The following FEZF1 variants were observed in gnomAD, a reference collection of about 807,000 sequenced individuals.
The protein encoded by FEZF1 is FEZ family zinc finger 1, also known as fez family zinc finger protein 1.
A neutral mutation model predicts 32.4 loss-of-function variants in FEZF1; 8 were observed. The ratio of observed to expected loss-of-function variants is 0.25; its 90% CI spans 0.15 to 0.45. The LOEUF is 0.45. FEZF1 is among the 20% of genes least tolerant of loss of function. The probability of loss-of-function intolerance (pLI) is 1.00; values close to 1 mark genes in which losing one functional copy is unlikely to be tolerated. For synonymous variants in FEZF1, 259 were observed against 265.2 expected (o/e 0.98, Z 0.23); for missense variants, 546 against 622.3 (o/e 0.88, Z 1.31).
At position 122,302,189 on chromosome 7, in the gene FEZF1, G is replaced by A. The variant is rs1389521478; in HGVS notation, c.1236C>T (p.Asn412=). ...CPTCGKGFCR[N]FDLKKHVRKL... The stretch of plus-strand genomic sequence containing the variant: ...TGCGGACATGCTTCTTGAGGTCAAA[G>A]TTCCTGCAGAAACCCTTGCCGCACG... The change falls in exon 4 of 4, where the codon AAC becomes AAT. Residue 412 remains asparagine, a synonymous_variant. Coordinates refer to ENST00000442488, the MANE Select transcript of FEZF1 (RefSeq NM_001024613.4). This position sits in a 1 kb window ranked among gnomAD's most constrained non-coding sequence, Gnocchi z 4.4. The A allele has an allele frequency of 6.2e-7, 1 of 1,614,126 alleles. No individual in the cohort carries two copies. The highest frequency in any genetic ancestry group is 8.5e-7 in the Non-Finnish European group (1 of 1,180,052).
rs746102840 is a variant in FEZF1, at chr7:122,304,266, T to C, written c.172A>G (p.Lys58Glu). Residue 58 changes from lysine to glutamate, a missense_variant, in exon 1 of 4, where the codon AAG becomes GAG. Lys to Glu is a moderately conservative substitution (Grantham distance 56). Transcript: ENST00000442488. ...TGCAGAGAGTGCTTGGGTTCCCCCTTGGGTAAGGCTCCCTGCAGGAAGTGG... is the reference window on the plus strand; with the variant it reads ...TGCAGAGAGTGCTTGGGTTCCCCCTCGGGTAAGGCTCCCTGCAGGAAGTGG... Reference protein sequence around the residue: ...VPHFLQGALPKGEPKHSLHLN... With the variant: ...VPHFLQGALPEGEPKHSLHLN... 22 of 1,608,814 alleles carry C rather than the reference T, an allele frequency of 1.4e-5. No individual in the cohort carries two copies. The highest frequency in any genetic ancestry group is 1.9e-5 in the Non-Finnish European group (22 of 1,177,100).
At chr7:122,309,580 A>G (rs1003730796), upstream of FEZF1, 6 of 133,130 alleles carry the variant, frequency 4.5e-5, no homozygotes, top group Admixed American at 2.1e-4. Context: ...ACCCATTCCC[A>G]CAGGCCTGTG....
In FEZF1 at chr7:122,301,921, C is replaced by A; in HGVS notation, c.*76G>T. 1 of 1,520,638 alleles carries A rather than the reference C, an allele frequency of 6.6e-7. No individual in the cohort carries two copies. Among genetic ancestry groups the A allele is most frequent in the Non-Finnish European group, 8.7e-7 (1 of 1,146,626 alleles). The allele number at this position is 1,520,638 out of a possible 1,614,324, so 94.2% of individuals were successfully genotyped here. ...ACATGCCCTGGGGTCTGCAGACGAA[C>A]TCGGACCAGGAGCTCTAGTCTGCCG... On this transcript the variant is annotated 3_prime_UTR_variant, in exon 4 of 4. Coordinates refer to ENST00000442488, the MANE Select transcript of FEZF1 (RefSeq NM_001024613.4).
upstream of FEZF1, chr7:122,307,584 T>A (rs926023328): frequency 6.6e-6 from 1 of 152,472 alleles, no homozygotes; most frequent in African/African-American, 2.4e-5. Context: ...TCCTTTGGTG[T>A]ATACCAAACT....
chr7:122,309,031 G>A (rs2031356650), upstream of FEZF1, among the ~76,000 whole-genome samples: 1 of 152,186 alleles, frequency 6.6e-6, no homozygotes, highest in South Asian at 2.1e-4. Context: ...TTCTTTTGGT[G>A]TGTGATGGAG....
upstream of FEZF1, chr7:122,304,778 G>T: frequency 4.0e-6 from 1 of 252,852 alleles, no homozygotes; most frequent in Non-Finnish European, 7.6e-6. Context: ...GCTTCCAACA[G>T]TCAACAGGAA....
upstream of FEZF1, chr7:122,307,159 G>C (rs1444595484): frequency 6.6e-6 from 1 of 152,266 alleles, no homozygotes; most frequent in Non-Finnish European, 1.5e-5. Context: ...CCCCTGCTCA[G>C]ACAAAGGGCA....
chr7:122,306,934 T>TG (rs1164762186), upstream of FEZF1: 1 of 152,054 alleles, frequency 6.6e-6, no homozygotes, highest in African/African-American at 2.4e-5. Context: ...TTGGCCCGGG[T>TG]GCACCTACTT....
In FEZF1 at chr7:122,303,190, A is replaced by C; in HGVS notation, c.923T>G (p.Ile308Ser). Residue 308 changes from isoleucine (I) to serine (S), a missense_variant, in exon 2 of 4, where the codon ATC (isoleucine) becomes AGC (serine). By Grantham distance (142) the Ile-to-Ser change is moderately radical. Transcript: ENST00000442488. ...AGATGAACACACCTGCGTGTGAATGATCTTGTGCCTGCACAGGGTGCTTGC... is the reference window on the plus strand; with the variant it reads ...AGATGAACACACCTGCGTGTGAATGCTCTTGTGCCTGCACAGGGTGCTTGC... ...RQASTLCRHK[I>S]IHTQEKPHKC... The C allele has an allele frequency of 6.2e-7, 1 of 1,614,154 alleles. No homozygotes were observed. The highest frequency in any genetic ancestry group is 8.5e-7 in the Non-Finnish European group (1 of 1,180,024).
At chr7:122,303,598 G>A in intron 1 of FEZF1, 39 bp downstream of exon 1, 1 of 1,483,212 alleles carries the variant, frequency 6.7e-7, no homozygotes. Context: ...AGGAAGGAAG[G>A]GAGGGAAGGA....
chr7:122,303,932 G>C lies in FEZF1; in HGVS notation c.506C>G (p.Pro169Arg), dbSNP rs1045001044. The part of the protein sequence containing the change: ...ALCYLNRGDG[P>R]CHPAAGVNIH... ...GTTCACGCCGGCTGCCGGGTGGCAT[G>C]GGCCGTCACCTCGGTTCAGGTAGCA... Residue 169 changes from proline (P) to arginine (R), a missense_variant, in exon 1 of 4, where the codon CCA becomes CGA. This residue lies in a region of FEZF1 where 345 missense variants were observed against 360.6 expected (regional missense o/e 0.96). Transcript: ENST00000442488. 7.5e-6 allele frequency: 12 copies of C among 1,610,180 alleles called. No homozygotes were observed. The highest frequency in any genetic ancestry group is 6.7e-5 in the Admixed American group (4 of 59,320).
Position 122,303,830 on chromosome 7 carries a change from T to C in FEZF1, c.608A>G (p.Lys203Arg), listed in dbSNP as rs1362697571. The change falls in exon 1 of 4, where the codon AAA becomes AGA. Residue 203 changes from lysine to arginine, a missense_variant. Physicochemically the swap from Lys to Arg is conservative, Grantham distance 26 (BLOSUM62 2). Transcript: ENST00000442488. ...QPKTYLAERNKLVVPAVEKYP... is the reference protein window; with the variant it reads ...QPKTYLAERNRLVVPAVEKYP... ...TTTCTCCACCGCCGGGACCACCAGT[T>C]TATTCCTTTCGGCTAAATACGTTTT... 1.2e-6 allele frequency: 2 copies of C among 1,614,176 alleles called. No individual in the cohort carries two copies. Among genetic ancestry groups the C allele is most frequent in the Non-Finnish European group, 1.7e-6 (2 of 1,180,036 alleles).
chr7:122,302,447 C>G lies in FEZF1; in HGVS notation c.1070-92G>C, dbSNP rs1349637639. ...CACGTGGAAGGTAGCGCCAGGCAAG[C>G]AGAAGAGCCGCCACAGGTCCCACAA... On this transcript the variant is annotated intron_variant, in intron 3 of 3. Transcript: ENST00000442488. This position sits in a 1 kb window ranked among gnomAD's most constrained non-coding sequence, Gnocchi z 4.4. 1 of 1,549,602 alleles carries G rather than the reference C, an allele frequency of 6.5e-7. No homozygotes were observed. Among genetic ancestry groups the G allele is most frequent in the African/African-American group, 1.4e-5 (1 of 72,996 alleles).
rs1444629825 is a variant in FEZF1, at chr7:122,302,072, C to A, written c.1353G>T (p.Met451Ile). ...PPPPLPQQPP[M>I]TLPPLQPPLP... ...GCGGCGGCTGCAGAGGAGGCAGCGT[C>A]ATCGGCGGCTGCTGCGGTAGCGGGG... Residue 451 changes from methionine (M) to isoleucine (I), a missense_variant, in exon 4 of 4, where the codon ATG (methionine) becomes ATT (isoleucine). Physicochemically the swap from Met to Ile is conservative, Grantham distance 10 (BLOSUM62 1). This residue lies in a region of FEZF1 where 83 missense variants were observed against 73.0 expected (regional missense o/e 1.14). Coordinates refer to ENST00000442488, the MANE Select transcript of FEZF1 (RefSeq NM_001024613.4). This position sits in a 1 kb window ranked among gnomAD's most constrained non-coding sequence, Gnocchi z 4.4. The A allele has an allele frequency of 5.0e-6, 8 of 1,607,606 alleles. No individual in the cohort carries two copies. Among genetic ancestry groups the A allele is most frequent in the Non-Finnish European group, 6.8e-6 (8 of 1,178,746 alleles).
rs749490534 is a variant in FEZF1 at position 122,302,683 on chromosome 7, G to A, written c.1069+116C>T. On this transcript the variant is annotated intron_variant, in intron 3 of 3. Coordinates refer to ENST00000442488, the MANE Select transcript of FEZF1 (RefSeq NM_001024613.4). This position sits in a 1 kb window ranked among gnomAD's most constrained non-coding sequence, Gnocchi z 4.4. The stretch of plus-strand genomic sequence containing the variant: ...CAGACTTCGAGTAGGGAGTTAGAAT[G>A]GCAACAAAAGTGCCACATAACTACA... The A allele has an allele frequency of 4.6e-4, 532 of 1,145,896 alleles. No individual in the cohort carries two copies. Among genetic ancestry groups the A allele is most frequent in the Non-Finnish European group, 4.8e-4 (370 of 778,928 alleles). The allele number at this position is 1,145,896 out of a possible 1,614,324, so 71.0% of individuals were successfully genotyped here.
chr7:122,303,868 C>T lies in FEZF1; in HGVS notation c.570G>A (p.Leu190=). The T allele has an allele frequency of 6.2e-7, 1 of 1,614,168 alleles. No individual in the cohort carries two copies. Among genetic ancestry groups the T allele is most frequent in the Non-Finnish European group, 8.5e-7 (1 of 1,180,026 alleles). Residue 190 remains leucine, a synonymous_variant, in exon 1 of 4, where the codon TTG becomes TTA. Transcript: ENST00000442488. ...PVASYFLSSP[L]HPQPKTYLAE... ...CTAAATACGTTTTTGGCTGCGGGTG[C>T]AAAGGGGAACTGAGGAAGTAGGAGG...
Position 122,304,153 on chromosome 7 carries a change from C to G in FEZF1, c.285G>C (p.Pro95=), listed in dbSNP as rs151311760. 3,049 of 1,602,078 alleles carry G rather than the reference C, an allele frequency of 1.9e-3. 4 individuals are homozygous for G. The highest frequency in any genetic ancestry group is 3.0e-3 in the Middle Eastern group (18 of 6,012). ...SPKAGVTGSE[P]RKASLEAPAA... is the part of the protein sequence containing the mutation. The stretch of plus-strand genomic sequence containing the variant: ...CCGGGGCCTCCAGACTGGCCTTCCG[C>G]GGCTCGGAGCCCGTCACTCCTGCCT... Residue 95 remains proline (P), a synonymous_variant, in exon 1 of 4, where the codon CCG becomes CCC. Transcript: ENST00000442488.
rs1283265736 is a variant in FEZF1, at chr7:122,304,552, C to T, written c.-115G>A. 6 of 723,146 alleles carry T rather than the reference C, an allele frequency of 8.3e-6. No homozygotes were observed. Among genetic ancestry groups the T allele is most frequent in the Non-Finnish European group, 1.3e-5 (6 of 469,364 alleles). The allele number at this position is 723,146 out of a possible 1,614,324, so 44.8% of individuals were successfully genotyped here. A position where few individuals can be genotyped will look rare whatever the true frequency, so the allele number is the denominator to read the frequency against. On this transcript the variant is annotated 5_prime_UTR_variant, in exon 1 of 4. Transcript: ENST00000442488. ...CGGGCACCATCACCACCAGTAGCCT[C>T]CTCCTCCTCCTCCTCCCCAGCATCA...
At chr7:122,308,088 CTTGT>C (rs1393755077), upstream of FEZF1, among the ~76,000 whole-genome samples, 1 of 152,122 alleles carries the variant, frequency 6.6e-6, no homozygotes, top group Admixed American at 6.5e-5. Context: ...GCAAGGGAGC[CTTGT>C]TTGTTTTGTT....
Sources: gnomAD v4.1 joint callset for allele counts (sites outside exome capture counted in the v4.1 genomes callset) on GRCh38, gnomAD v4.1.1 for gene constraint, gnomAD v4.1.1 regional missense constraint, Gnocchi (gnomAD v3.1) non-coding constraint, MANE v1.5 for transcripts, NCBI Gene and HGNC (gene_info 2026-07-23, HGNC 2026-07-21) for gene names.